Variants in KMT2E observed in about 807,000 individuals in gnomAD.
KMT2E encodes lysine methyltransferase 2E (inactive), also known as histone reader KMT2E.
In KMT2E, 30 loss-of-function variants were observed where a neutral mutation model predicts 184.6. The observed-to-expected ratio is 0.16, with a 90% CI of 0.12 to 0.22. The LOEUF (loss-of-function observed/expected upper bound fraction) is 0.22, where lower values mean the gene tolerates loss of function less well. Among genes scored for constraint, KMT2E ranks in the 10% least tolerant of loss-of-function variants. The pLI is 1.00. For missense variants in KMT2E, 2,023 were observed against 2,237.4 expected (o/e 0.90, Z 1.93); for synonymous variants, 815 against 776.5 (o/e 1.05, Z -0.82).
At chr7:105,053,504 C>G (rs1175449022) in intron 3 of KMT2E, among the ~76,000 whole-genome samples, 1 of 152,048 alleles carries the variant, frequency 6.6e-6, no homozygotes, top group East Asian at 1.9e-4. Context: ...TTTATTCTCT[C>G]AACTCTAAAG....
Position 105,049,761 on chromosome 7 carries a change from G to A in KMT2E, c.71+8738G>A, listed in dbSNP as rs560252396. 9.3e-3 allele frequency among the ~76,000 whole-genome samples: 1,414 copies of A among 151,922 alleles called. 13 individuals carry two copies. The highest frequency in any genetic ancestry group is 0.014 in the Non-Finnish European group (928 of 67,898). On this transcript the variant is annotated intron_variant, in intron 3 of 26. Transcript: ENST00000311117. ...CAAAAAATTAGCTGGCTGTAGTGGCGGGCGCCTGTAATCCCAGCTACTCGG... is the reference window on the plus strand; with the variant it reads ...CAAAAAATTAGCTGGCTGTAGTGGCAGGCGCCTGTAATCCCAGCTACTCGG...
intron 1 of KMT2E, among the ~76,000 whole-genome samples, chr7:105,033,350 G>T (rs1795502144): frequency 6.6e-6 from 1 of 152,156 alleles, no homozygotes; most frequent in Non-Finnish European, 1.5e-5. Flanking sequence ...TTATAGAGTT[G>T]CATATGGTTG....
chr7:105,014,782 C>G (rs1020113676), intron 1 of KMT2E, among the ~76,000 whole-genome samples: 10 of 151,838 alleles, frequency 6.6e-5, no homozygotes, highest in African/African-American at 2.4e-4. Flanking sequence ...GCAGTTAAAC[C>G]CCCTTGAGAG....
chr7:105,059,899 G>GAA (rs982199004), intron 3 of KMT2E, among the ~76,000 whole-genome samples: 3 of 143,172 alleles, frequency 2.1e-5, no homozygotes, highest in African/African-American at 7.6e-5. Context: ...TTGAAATTAA[G>GAA]AAACATTTCT....
intron 1 of KMT2E, among the ~76,000 whole-genome samples, chr7:105,019,181 A>G (rs983858636): frequency 1.3e-5 from 2 of 152,326 alleles, no homozygotes; most frequent in Non-Finnish European, 1.5e-5. Flanking sequence ...ATTTTAATTC[A>G]TATCTTTAAG....
chr7:105,030,117 A>G (rs1013745866), intron 1 of KMT2E, among the ~76,000 whole-genome samples: 9 of 152,244 alleles, frequency 5.9e-5, no homozygotes, highest in African/African-American at 2.2e-4. Context: ...GTCTGTCAAA[A>G]TATAAACCAG....
rs561477960 is a variant in KMT2E at position 105,068,048 on chromosome 7, T to C, written c.497+1241T>C. 1.3e-5 allele frequency among the ~76,000 whole-genome samples: 2 copies of C among 152,276 alleles called. 1 individual carries two copies. Among genetic ancestry groups the C allele is most frequent in the African/African-American group, 4.8e-5 (2 of 41,538 alleles). On this transcript the variant is annotated intron_variant, in intron 6 of 26. Transcript: ENST00000311117. ...GCTCACCCAGCCATTGTTATGATAT[T>C]GATTGGTTGATATTCATCTCTCAAG...
chr7:105,071,589 TA>T lies in KMT2E; in HGVS notation c.498-2029del, dbSNP rs1327580644. Reference sequence around the variant, plus strand: ...ATGTATGTATGTGTGTGTGTATATATATATATATATATATATATATTTTTTT... The same window carrying T: ...ATGTATGTATGTGTGTGTGTATATATTATATATATATATATATATTTTTTT... On this transcript the variant is annotated intron_variant, in intron 6 of 26. Transcript: ENST00000311117. Among the ~76,000 whole-genome samples the T allele has an allele frequency of 1.3e-4, 7 of 55,692 alleles. 1 individual carries two copies. Among genetic ancestry groups the T allele is most frequent in the Admixed American group, 3.7e-4 (2 of 5,396 alleles). The allele number at this position is 55,692 out of a possible 152,430, so 36.5% of individuals were successfully genotyped here.
intron 1 of KMT2E, among the ~76,000 whole-genome samples, chr7:105,037,744 C>G (rs984828264): frequency 1.3e-5 from 2 of 151,948 alleles, no homozygotes; most frequent in Admixed American, 1.3e-4. Context: ...ACTTTAATTG[C>G]TTTTTTTGCC....
Position 105,074,826 on chromosome 7 carries a change from G to T in KMT2E, c.729+11G>T, listed in dbSNP as rs1355741759. On this transcript the variant is annotated intron_variant, in intron 8 of 26. Transcript: ENST00000311117. ...TCAAAATGTAAAAAGGTACGTTTTT[G>T]CTTGTTTTTAGGTGAGTGGATAGGA... 2 of 1,589,956 alleles carry T rather than the reference G, an allele frequency of 1.3e-6. No homozygotes were observed. Among genetic ancestry groups the T allele is most frequent in the Non-Finnish European group, 1.7e-6 (2 of 1,168,676 alleles).
In KMT2E at chr7:105,110,852, C is replaced by G. The variant is rs1799208859; in HGVS notation, c.4052C>G (p.Pro1351Arg). 2 of 1,613,038 alleles carry G rather than the reference C, an allele frequency of 1.2e-6. No individual in the cohort carries two copies. The highest frequency in any genetic ancestry group is 1.7e-6 in the Non-Finnish European group (2 of 1,179,024). The change falls in exon 26 of 27, where the codon CCT becomes CGT. Residue 1351 changes from proline to arginine, a missense_variant. By Grantham distance (103) the Pro-to-Arg change is moderately radical (BLOSUM62 -2). Transcript: ENST00000311117. ...ACTTCTCAAAATACTTGTAAAAGTC[C>G]TCCAAAAATGAGCAAGGTAATAACA... ...PDTSQNTCKS[P>R]PKMSKPGSPG...
chr7:105,071,832 C>T (rs1414011779), intron 6 of KMT2E, among the ~76,000 whole-genome samples: 1 of 151,356 alleles, frequency 6.6e-6, no homozygotes. Context: ...GTTTGACAGA[C>T]TTGCATTTTT....
rs1798876433 is a variant in KMT2E at position 105,105,848 on chromosome 7, G to C, written c.2452-11G>C. On this transcript the variant is annotated splice_polypyrimidine_tract_variant and intron_variant, in intron 18 of 26. Transcript: ENST00000311117. The stretch of plus-strand genomic sequence containing the variant: ...TGATTCCTGTTCATTCATGTATTCT[G>C]TTTTATTCAGCGATGGTTGAAACAA... 1.9e-6 allele frequency: 3 copies of C among 1,608,138 alleles called. No homozygotes were observed. Among genetic ancestry groups the C allele is most frequent in the Non-Finnish European group, 2.5e-6 (3 of 1,178,158 alleles).
Position 105,087,530 on chromosome 7 carries a change from TCTC to T in KMT2E, c.1359-2476_1359-2474del, listed in dbSNP as rs1798034889. Reference sequence around the variant, plus strand: ...CCTCCGCCTCCTGTGTTCAAGCAATTCTCCTGCTTCAGCCTCCTGAGTAGCTGG... The same window carrying T: ...CCTCCGCCTCCTGTGTTCAAGCAATTCTGCTTCAGCCTCCTGAGTAGCTGG... On this transcript the variant is annotated intron_variant, in intron 13 of 26. Transcript: ENST00000311117. 4.0e-5 allele frequency among the ~76,000 whole-genome samples: 6 copies of T among 151,490 alleles called. No homozygotes were observed. The South Asian group carries it at 1.2e-3, about 31-fold the overall frequency.
chr7:105,107,571 C>T lies in KMT2E; in HGVS notation c.3114C>T (p.Thr1038=). Residue 1038 remains threonine, a synonymous_variant, in exon 22 of 27, where the codon ACC becomes ACT. Transcript: ENST00000311117. ...DAVEPTALHK[T]LETPAHDRAE... is the part of the protein sequence containing the mutation. ...TTGAGCCAACTGCCCTACATAAAAC[C>T]CTGGAAACGCCTGCACATGACAGGG... is the stretch of plus-strand genomic sequence containing the variant. The T allele has an allele frequency of 6.2e-7, 1 of 1,614,012 alleles. No individual in the cohort carries two copies. Among genetic ancestry groups the T allele is most frequent in the South Asian group, 1.1e-5 (1 of 91,066 alleles).
chr7:105,049,981 C>T (rs757699609), intron 3 of KMT2E, among the ~76,000 whole-genome samples: 7 of 152,330 alleles, frequency 4.6e-5, no homozygotes, highest in Non-Finnish European at 7.3e-5. Context: ...CCCCTTCTCA[C>T]CTTTTCAGAA....
At chr7:105,049,204 G>A (rs1351706280) in intron 3 of KMT2E, among the ~76,000 whole-genome samples, 1 of 152,110 alleles carries the variant, frequency 6.6e-6, no homozygotes, top group Non-Finnish European at 1.5e-5. Flanking sequence ...TAGCACTTTG[G>A]GAGGCTGAGG....
intron 21 of KMT2E, 50 bp from the exon 22 acceptor site, chr7:105,107,312 G>A: frequency 6.6e-7 from 1 of 1,514,530 alleles, no homozygotes; most frequent in Non-Finnish European, 8.9e-7. Context: ...GAAATAAACA[G>A]TCCCAAGATG....
chr7:105,068,588 G>T (rs1184151640), intron 6 of KMT2E, among the ~76,000 whole-genome samples: 2 of 149,000 alleles, frequency 1.3e-5, no homozygotes, highest in East Asian at 3.9e-4. Flanking sequence ...AAGTAGCTGG[G>T]ACTACAGGCA....
Sources: gnomAD v4.1 joint callset for allele counts (sites outside exome capture counted in the v4.1 genomes callset) on GRCh38, gnomAD v4.1.1 for gene constraint, MANE v1.5 for transcripts, NCBI Gene and HGNC (gene_info 2026-07-23, HGNC 2026-07-21) for gene names.